Variants in JMJD1C observed in about 807,000 individuals in gnomAD.
JMJD1C encodes the protein jumonji domain containing 1C.
Under a neutral mutation model 245.3 loss-of-function variants are expected in JMJD1C, and 31 were observed. That is an observed-to-expected ratio of 0.13 (90% CI 0.09 to 0.17). JMJD1C has a LOEUF of 0.17. Ranked by LOEUF, JMJD1C falls within the 10% of genes least tolerant of loss-of-function variation. The pLI, the probability that JMJD1C is intolerant of heterozygous loss-of-function variation, is 1.00. For missense variants in JMJD1C, 2,691 were observed against 3,000.2 expected (o/e 0.90, Z 2.41); for synonymous variants, 1,057 against 1,017.4 (o/e 1.04, Z -0.74).
chr10:63,373,779 G>C lies in JMJD1C; in HGVS notation c.333+6539C>G, dbSNP rs141483454. Among the ~76,000 whole-genome samples, 600 of 152,142 alleles carry C rather than the reference G, an allele frequency of 3.9e-3. 8 individuals are homozygous for C. Among genetic ancestry groups the C allele is most frequent in the Admixed American group, 0.016 (251 of 15,276 alleles). On this transcript the variant is annotated intron_variant, in intron 2 of 25. Transcript: ENST00000399262. ...AGATATAGTATTTCATTACGCTGTAGGAATTTTAAAACGCTTAACTTTATA... is the reference window on the plus strand; with the variant it reads ...AGATATAGTATTTCATTACGCTGTACGAATTTTAAAACGCTTAACTTTATA...
intron 2 of JMJD1C, among the ~76,000 whole-genome samples, chr10:63,325,236 G>A (rs1431711540): frequency 1.3e-5 from 2 of 152,176 alleles, no homozygotes; most frequent in Admixed American, 6.5e-5. Context: ...CCTTAGGAAA[G>A]CTAAATCAAA....
chr10:63,476,663 A>G (rs7903688), intron 1 of JMJD1C, among the ~76,000 whole-genome samples: 3,259 of 152,290 alleles, frequency 0.021, 116 homozygotes, highest in African/African-American at 0.073. Flanking sequence ...CAGAAGATCA[A>G]CGCTGCAGTG....
intron 1 of JMJD1C, among the ~76,000 whole-genome samples, chr10:63,399,658 A>C (rs1948731155): frequency 6.6e-6 from 1 of 152,142 alleles, no homozygotes; most frequent in South Asian, 2.1e-4. Flanking sequence ...TTTTTGTACA[A>C]AGGTATAACC....
chr10:63,357,826 G>GACAGACACACACACACAC (rs1051732036), intron 2 of JMJD1C, among the ~76,000 whole-genome samples: 3 of 140,536 alleles, frequency 2.1e-5, no homozygotes, highest in East Asian at 4.3e-4. Flanking sequence ...CAGACAGACA[G>GACAGACACACACACACAC]ACACACACAC....
upstream of JMJD1C, among the ~76,000 whole-genome samples, chr10:63,470,268 C>CATGA (rs58667981): frequency 0.032 from 4,903 of 152,040 alleles, 132 homozygotes; most frequent in African/African-American, 0.075. Flanking sequence ...CATGTTATAG[C>CATGA]ATGAATGAAT....
intron 2 of JMJD1C, among the ~76,000 whole-genome samples, chr10:63,326,857 C>A (rs777581937): frequency 2.0e-4 from 30 of 151,986 alleles, no homozygotes; most frequent in Non-Finnish European, 4.1e-4. Flanking sequence ...CCAGCCTGGG[C>A]AACAAGAGTG....
Position 63,208,039 on chromosome 10 carries a change from G to A in JMJD1C, c.3630C>T (p.His1210=), listed in dbSNP as rs761039454. ...MPALHRAPVF[H]PPIHHSLERK... is the part of the protein sequence containing the mutation. ...TTTCCAGGCTGTGATGGATTGGTGGGTGAAATACTGGTGCTCTATGTAATG... is the reference window on the plus strand; with the variant it reads ...TTTCCAGGCTGTGATGGATTGGTGGATGAAATACTGGTGCTCTATGTAATG... The change falls in exon 10 of 26, where the codon CAC becomes CAT. Residue 1210 remains histidine (H), a synonymous_variant. Transcript: ENST00000399262. 1.2e-6 allele frequency: 2 copies of A among 1,614,150 alleles called. No individual in the cohort carries two copies. The highest frequency in any genetic ancestry group is 8.5e-7 in the Non-Finnish European group (1 of 1,180,006).
intron 10 of JMJD1C, chr10:63,203,006 G>T: frequency 2.0e-6 from 2 of 984,976 alleles, no homozygotes; most frequent in Non-Finnish European, 2.4e-6. Flanking sequence ...GAACAACTCA[G>T]ATAGTACTAT....
intron 2 of JMJD1C, among the ~76,000 whole-genome samples, chr10:63,371,338 A>G (rs988201209): frequency 3.9e-5 from 6 of 152,088 alleles, no homozygotes; most frequent in African/African-American, 1.4e-4. Context: ...TTTTTTACTT[A>G]AATTTTCTCT....
intron 1 of JMJD1C, among the ~76,000 whole-genome samples, chr10:63,458,667 A>T (rs986066319): frequency 1.8e-4 from 28 of 151,988 alleles, no homozygotes; most frequent in Middle Eastern, 3.4e-3. Flanking sequence ...CTTTCAACAT[A>T]TTTTGGTATT....
chr10:63,364,192 A>G (rs1269050782), intron 2 of JMJD1C, among the ~76,000 whole-genome samples: 1 of 152,016 alleles, frequency 6.6e-6, no homozygotes, highest in Non-Finnish European at 1.5e-5. Flanking sequence ...ACTTTTATGT[A>G]CAGATGAGGA....
chr10:63,205,535 G>A (rs1041822191), intron 10 of JMJD1C, among the ~76,000 whole-genome samples: 9 of 152,294 alleles, frequency 5.9e-5, no homozygotes, highest in African/African-American at 1.4e-4. Flanking sequence ...ATGTGTAAGC[G>A]TTGTGTTGGG....
chr10:63,344,599 A>G (rs1179068874), intron 2 of JMJD1C, among the ~76,000 whole-genome samples: 1 of 152,218 alleles, frequency 6.6e-6, no homozygotes, highest in African/African-American at 2.4e-5. Flanking sequence ...AAACTTCATG[A>G]TAATTAAGAT....
At chr10:63,202,177 C>T (rs1313634891) in intron 10 of JMJD1C, 7 of 401,126 alleles carry the variant, frequency 1.7e-5, no homozygotes, top group Non-Finnish European at 2.4e-5. Flanking sequence ...CTGCTTGATC[C>T]CAGGGGGCGG....
At chr10:63,359,739 T>C (rs1945164433) in intron 2 of JMJD1C, among the ~76,000 whole-genome samples, 1 of 152,190 alleles carries the variant, frequency 6.6e-6, no homozygotes. Context: ...GTCACAGAAA[T>C]GCTAATCAAA....
chr10:63,492,227 G>T lies in JMJD1C; in HGVS notation n.113+29511C>A, dbSNP rs148415580. Reference sequence around the variant, plus strand: ...TTTTTGTATTTTTTGTAGAGACAGTGTTTCACCATGTTGCCCAGGCTGGCA... The same window carrying T: ...TTTTTGTATTTTTTGTAGAGACAGTTTTTCACCATGTTGCCCAGGCTGGCA... On this transcript the variant is annotated intron_variant and non_coding_transcript_variant, in intron 1 of 3. Transcript: ENST00000633035. Among the ~76,000 whole-genome samples, 23 of 152,210 alleles carry T rather than the reference G, an allele frequency of 1.5e-4. No homozygotes were observed. The East Asian group carries it at 4.4e-3, about 29-fold the overall frequency.
chr10:63,178,433 T>TG (rs1843069072), intron 22 of JMJD1C, among the ~76,000 whole-genome samples: 1 of 151,898 alleles, frequency 6.6e-6, no homozygotes. Context: ...TCCAAGGGGG[T>TG]GGTCCTAACA....
chr10:63,220,496 TTGC>T (rs1332669401), intron 3 of JMJD1C, among the ~76,000 whole-genome samples: 9 of 152,362 alleles, frequency 5.9e-5, no homozygotes, highest in Non-Finnish European at 1.0e-4. Context: ...ACCAGTAATT[TTGC>T]TGCTAAAAAT....
rs186794206 is a variant in JMJD1C at position 63,513,679 on chromosome 10, G to A, written n.113+8059C>T. Among the ~76,000 whole-genome samples, 11 of 152,238 alleles carry A rather than the reference G, an allele frequency of 7.2e-5. 1 individual carries two copies. Among genetic ancestry groups the A allele is most frequent in the Admixed American group, 6.5e-4 (10 of 15,296 alleles). On this transcript the variant is annotated intron_variant and non_coding_transcript_variant, in intron 1 of 3. Transcript: ENST00000633035. Reference sequence around the variant, plus strand: ...TGTAATCCCAGCACTTTGGGAGGCCGAGACAGGCGGATCATGAGGTCAGGA... The same window carrying A: ...TGTAATCCCAGCACTTTGGGAGGCCAAGACAGGCGGATCATGAGGTCAGGA...
Sources: allele counts gnomAD v4.1 joint callset (sites outside exome capture counted in the v4.1 genomes callset), GRCh38; gene constraint gnomAD v4.1.1; transcripts MANE v1.5; gene names NCBI Gene and HGNC (gene_info 2026-07-23, HGNC 2026-07-21).